KCNC2: variants seen among roughly 807,000 people sequenced by gnomAD.
KCNC2 encodes potassium voltage-gated channel subfamily C member 2.
KCNC2 carries 21 observed loss-of-function variants against 44.5 expected under a neutral mutation model. The ratio of observed to expected loss-of-function variants is 0.47; its 90% CI spans 0.33 to 0.68. KCNC2 has a LOEUF of 0.68. KCNC2 is among the 30% of genes least tolerant of loss of function. The probability of loss-of-function intolerance (pLI) is 0.01; values close to 1 mark genes in which losing one functional copy is unlikely to be tolerated. For synonymous variants in KCNC2, 391 were observed against 339.1 expected, an observed-to-expected ratio of 1.15 and a Z score of -1.68; for missense variants, 589 against 826.2, an observed-to-expected ratio of 0.71 and a Z score of 3.52.
intron 2 of KCNC2, among the ~76,000 whole-genome samples, chr12:75,084,294 A>AGATAGATAGATAGATAGAT (rs1884790559): frequency 3.2e-4 from 39 of 122,836 alleles, no homozygotes; most frequent in African/African-American, 1.1e-3. Flanking sequence ...GATAGATGAT[A>AGATAGATAGATAGATAGAT]GATAGATAGA....
intron 4 of KCNC2, 29 bp from the exon 5 acceptor site, chr12:75,043,270 T>C: frequency 6.2e-7 from 1 of 1,611,024 alleles, no homozygotes; most frequent in East Asian, 2.2e-5. Context: ...CAGACATCAG[T>C]TGAATTCAAC....
intron 2 of KCNC2, among the ~76,000 whole-genome samples, chr12:75,176,447 A>G (rs747801089): frequency 5.3e-5 from 8 of 151,908 alleles, no homozygotes; most frequent in African/African-American, 7.3e-5. Flanking sequence ...CTTGCAATGG[A>G]CTACAAGCCC....
intron 2 of KCNC2, among the ~76,000 whole-genome samples, chr12:75,108,349 G>A (rs1352664208): frequency 6.6e-6 from 1 of 152,136 alleles, no homozygotes; most frequent in South Asian, 2.1e-4. Flanking sequence ...ATGATAACAT[G>A]CCTAAAGCAT....
chr12:75,088,773 T>C (rs1010229776), intron 2 of KCNC2, among the ~76,000 whole-genome samples: 2 of 152,012 alleles, frequency 1.3e-5, no homozygotes, highest in Non-Finnish European at 2.9e-5. Flanking sequence ...TGTAATTTCA[T>C]CATTCAATTA....
At chr12:75,106,508 AG>A (rs1252541503) in intron 2 of KCNC2, among the ~76,000 whole-genome samples, 1 of 152,174 alleles carries the variant, frequency 6.6e-6, no homozygotes, top group Non-Finnish European at 1.5e-5. Context: ...GGACTTACTG[AG>A]CAAAAGGAGG....
chr12:75,048,825 G>A (rs1037970804), intron 3 of KCNC2, among the ~76,000 whole-genome samples: 1 of 152,056 alleles, frequency 6.6e-6, no homozygotes. Flanking sequence ...CCGTTTCCAG[G>A]TAGTCAATTT....
At chr12:75,170,656 A>G (rs534099016) in intron 2 of KCNC2, among the ~76,000 whole-genome samples, 2 of 151,896 alleles carry the variant, frequency 1.3e-5, no homozygotes, top group African/African-American at 4.8e-5. Context: ...AGCATGTCAC[A>G]ATGATGTAAT....
intron 2 of KCNC2, among the ~76,000 whole-genome samples, chr12:75,145,178 T>TA (rs1307873813): frequency 6.6e-6 from 1 of 152,028 alleles, no homozygotes; most frequent in African/African-American, 2.4e-5. Flanking sequence ...AGGGTTGGTC[T>TA]ATGTCTTAAC....
chr12:75,156,111 C>T (rs992882613), intron 2 of KCNC2, among the ~76,000 whole-genome samples: 3 of 151,706 alleles, frequency 2.0e-5, no homozygotes, highest in African/African-American at 4.8e-5. Context: ...GATATCACAG[C>T]CCAAAGAGTG....
chr12:75,153,528 A>C (rs1890552298), intron 2 of KCNC2, among the ~76,000 whole-genome samples: 2 of 151,828 alleles, frequency 1.3e-5, no homozygotes, highest in African/African-American at 4.8e-5. Context: ...AAGGTATATT[A>C]CTTAGTGATA....
intron 2 of KCNC2, among the ~76,000 whole-genome samples, chr12:75,132,351 G>T (rs995570521): frequency 1.3e-5 from 2 of 152,082 alleles, no homozygotes; most frequent in Non-Finnish European, 2.9e-5. Context: ...AAAATAAGTG[G>T]ATTGATTAAT....
chr12:75,100,437 G>T (rs1479196009), intron 2 of KCNC2, among the ~76,000 whole-genome samples: 1 of 151,926 alleles, frequency 6.6e-6, no homozygotes, highest in African/African-American at 2.4e-5. Context: ...CTCTTTAAAT[G>T]TTAAAATATC....
At chr12:75,064,435 A>G (rs530608281) in intron 2 of KCNC2, among the ~76,000 whole-genome samples, 2 of 152,082 alleles carry the variant, frequency 1.3e-5, no homozygotes, top group South Asian at 2.1e-4. Flanking sequence ...AATAATTACA[A>G]ATTTTTACTT....
At chr12:75,043,748 T>C (rs1880178058) in intron 4 of KCNC2, 1 of 1,508,570 alleles carries the variant, frequency 6.6e-7, no homozygotes, top group Non-Finnish European at 8.8e-7. Context: ...TAAAAGATGA[T>C]TCTTAAATAA....
chr12:75,193,425 C>T (rs1194385085), intron 2 of KCNC2, among the ~76,000 whole-genome samples: 1 of 152,076 alleles, frequency 6.6e-6, no homozygotes, highest in Non-Finnish European at 1.5e-5. Context: ...GCAACATGTA[C>T]TAGGAGAGGG....
chr12:75,176,903 G>A (rs930400838), intron 2 of KCNC2, among the ~76,000 whole-genome samples: 7 of 151,564 alleles, frequency 4.6e-5, no homozygotes, highest in African/African-American at 1.5e-4. Context: ...TTTCAATAGC[G>A]TTCTCAATAA....
At chr12:75,196,497 T>C (rs765877911) in intron 2 of KCNC2, among the ~76,000 whole-genome samples, 2 of 152,040 alleles carry the variant, frequency 1.3e-5, no homozygotes, top group Non-Finnish European at 2.9e-5. Flanking sequence ...AGAGTAATAA[T>C]AATACAAATG....
intron 2 of KCNC2, among the ~76,000 whole-genome samples, chr12:75,092,377 G>C (rs775445834): frequency 1.3e-4 from 19 of 151,520 alleles, no homozygotes; most frequent in Non-Finnish European, 2.1e-4. Flanking sequence ...AAATTTTCTT[G>C]ACAAAGTTTT....
intron 2 of KCNC2, among the ~76,000 whole-genome samples, chr12:75,053,066 G>C (rs1463362496): frequency 1.3e-5 from 2 of 152,010 alleles, no homozygotes. Context: ...TCAATCATTT[G>C]TCGTAACACT....
Sources: allele counts gnomAD v4.1 joint callset (sites outside exome capture counted in the v4.1 genomes callset), GRCh38; gene constraint gnomAD v4.1.1; transcripts MANE v1.5; gene names NCBI Gene and HGNC (gene_info 2026-07-23, HGNC 2026-07-21).